The following BCAS1 variants were observed in gnomAD, a reference collection of about 807,000 sequenced individuals.
The protein encoded by BCAS1 is breast carcinoma-amplified sequence 1.
In BCAS1, 46 loss-of-function variants were observed where a neutral mutation model predicts 65.4. The observed-to-expected ratio is 0.70, with a 90% CI of 0.55 to 0.90. BCAS1 has a LOEUF of 0.90. BCAS1 is among the 40% of genes least tolerant of loss of function. BCAS1 has a pLI of 0.00. For synonymous variants in BCAS1, 298 were observed against 293.5 expected (o/e 1.02, Z -0.16); for missense variants, 793 against 771.2 (o/e 1.03, Z -0.33).
At chr20:54,036,226 TTAAAA>T (rs1281147408) in intron 3 of BCAS1, among the ~76,000 whole-genome samples, 2 of 150,898 alleles carry the variant, frequency 1.3e-5, no homozygotes, top group East Asian at 3.8e-4. Context: ...ACCCCTGAAC[TTAAAA>T]TAAAAGTTAA....
intron 4 of BCAS1, among the ~76,000 whole-genome samples, chr20:54,005,251 T>G (rs999358250): frequency 1.4e-5 from 2 of 144,182 alleles, no homozygotes; most frequent in African/African-American, 5.0e-5. Flanking sequence ...AACACAGGAG[T>G]TCAAGACCAG....
chr20:54,009,522 A>G (rs1363930238), intron 4 of BCAS1, among the ~76,000 whole-genome samples: 3 of 152,342 alleles, frequency 2.0e-5, no homozygotes, highest in Non-Finnish European at 2.9e-5. Context: ...CTGACCCAAT[A>G]TAATATAAAT....
At chr20:54,025,111 G>T (rs1298581161) in intron 4 of BCAS1, among the ~76,000 whole-genome samples, 1 of 152,164 alleles carries the variant, frequency 6.6e-6, no homozygotes, top group Non-Finnish European at 1.5e-5. Flanking sequence ...AAAGAAAAAA[G>T]ACATTCTTCA....
rs1454949737 is a variant in BCAS1 at position 53,992,398 on chromosome 20, C to G, written c.1062+114G>C. 10 of 827,704 alleles carry G rather than the reference C, an allele frequency of 1.2e-5. No homozygotes were observed. The South Asian group carries it at 1.8e-4, about 15-fold the overall frequency. The allele number at this position is 827,704 out of a possible 1,614,324, so 51.3% of individuals were successfully genotyped here. On this transcript the variant is annotated intron_variant, in intron 7 of 12. Coordinates refer to ENST00000688948, the MANE Select transcript of BCAS1 (RefSeq NM_001366298.2). ...CATCTTTAATTCTCTTTTAATGATC[C>G]CCACCACCCAAGGCTCTGTTTTTAC...
intron 6 of BCAS1, among the ~76,000 whole-genome samples, chr20:53,994,189 T>G (rs552224576): frequency 1.3e-5 from 2 of 152,332 alleles, no homozygotes; most frequent in Admixed American, 1.3e-4. Context: ...CTGATCCCAC[T>G]GTTTTTCAAA....
At position 53,992,768 on chromosome 20, in the gene BCAS1, C is replaced by T. The variant is rs947687209; in HGVS notation, c.928-122G>A. On this transcript the variant is annotated intron_variant, in intron 6 of 12. Transcript: ENST00000688948. Reference sequence around the variant, plus strand: ...ATTAACTGTTGGTACACCATCCCCTCTTCTAACCACAAAACACCCTGTAAA... The same window carrying T: ...ATTAACTGTTGGTACACCATCCCCTTTTCTAACCACAAAACACCCTGTAAA... 8.9e-6 allele frequency: 8 copies of T among 896,762 alleles called. No homozygotes were observed. In the African/African-American group the frequency reaches 1.4e-4, roughly 16 times the overall value. 55.6% of individuals were successfully genotyped at this position (896,762 alleles called of 1,614,324 possible). A position where few individuals can be genotyped will look rare whatever the true frequency, so the allele number is the denominator to read the frequency against.
At chr20:53,968,740 A>G (rs1221539459) in intron 9 of BCAS1, among the ~76,000 whole-genome samples, 2 of 152,232 alleles carry the variant, frequency 1.3e-5, no homozygotes, top group African/African-American at 4.8e-5. Context: ...GCATGGATTG[A>G]CCAGACCTAA....
At position 54,056,276 on chromosome 20, in the gene BCAS1, A is replaced by G. The variant is rs139115486; in HGVS notation, c.142+1809T>C. Among the ~76,000 whole-genome samples the G allele has an allele frequency of 1.1e-3, 168 of 152,264 alleles. 1 individual carries two copies. The highest frequency in any genetic ancestry group is 4.0e-3 in the African/African-American group (167 of 41,550). On this transcript the variant is annotated intron_variant, in intron 3 of 12. Transcript: ENST00000688948. ...ACACACCATGGAATACTACTCAACC[A>G]TAAAAATAACAAAATAATGTCTTTT...
At chr20:54,030,864 C>T (rs190900464) in intron 3 of BCAS1, among the ~76,000 whole-genome samples, 1 of 150,930 alleles carries the variant, frequency 6.6e-6, no homozygotes, top group Non-Finnish European at 1.5e-5. Context: ...TTCAGGAATT[C>T]ATAATGATAG....
chr20:54,058,027 A>G (rs1281008484), intron 3 of BCAS1, 58 bp downstream of exon 3: 5 of 1,239,874 alleles, frequency 4.0e-6, no homozygotes, highest in Non-Finnish European at 5.8e-6. Context: ...CGTAAACAGC[A>G]TCTGCAGACC....
At chr20:54,040,540 T>C (rs1035775595) in intron 3 of BCAS1, among the ~76,000 whole-genome samples, 2 of 151,118 alleles carry the variant, frequency 1.3e-5, no homozygotes, top group African/African-American at 4.8e-5. Context: ...CAAATCAGGA[T>C]GATAGTGTTT....
chr20:54,038,630 C>T (rs2091938705), intron 3 of BCAS1, among the ~76,000 whole-genome samples: 1 of 151,256 alleles, frequency 6.6e-6, no homozygotes, highest in Admixed American at 6.6e-5. Flanking sequence ...CTTTTTCTGA[C>T]AATACATTAT....
chr20:54,052,172 A>T (rs1003732085), intron 3 of BCAS1, among the ~76,000 whole-genome samples: 7 of 152,202 alleles, frequency 4.6e-5, no homozygotes, highest in African/African-American at 1.4e-4. Context: ...CATTTTGACA[A>T]AATATGCAGT....
At chr20:53,966,829 C>T in intron 10 of BCAS1, 77 bp downstream of exon 10, 1 of 1,362,626 alleles carries the variant, frequency 7.3e-7, no homozygotes, top group South Asian at 1.5e-5. Context: ...TCTCCTACTA[C>T]CTGTGGCATG....
At chr20:54,018,027 A>G (rs995544637) in intron 4 of BCAS1, among the ~76,000 whole-genome samples, 1 of 152,216 alleles carries the variant, frequency 6.6e-6, no homozygotes, top group Non-Finnish European at 1.5e-5. Flanking sequence ...GCGAGAAAAC[A>G]GTTTTGAATG....
At chr20:53,984,037 C>T (rs951926976) in intron 8 of BCAS1, among the ~76,000 whole-genome samples, 2 of 152,110 alleles carry the variant, frequency 1.3e-5, no homozygotes, top group South Asian at 4.1e-4. Flanking sequence ...TTATTAGATT[C>T]CTTTTTAAAC....
rs571132004 is a variant in BCAS1, at chr20:54,058,093, A to G, written c.134T>C (p.Leu45Ser). The change falls in exon 3 of 13, where the codon TTA (leucine) becomes TCA (serine). Residue 45 changes from leucine (L) to serine (S), a missense_variant. Leu to Ser is a moderately radical substitution (Grantham distance 145). Coordinates refer to ENST00000688948, the MANE Select transcript of BCAS1 (RefSeq NM_001366298.2). ...VVVSTHTVQH[L>S]EEVDLGISVK... is the part of the protein sequence containing the mutation. ...CCCAGAGTAGCACTGACCTTCCTCT[A>G]AGTGCTGAACTGTGTGGGTCGACAC... 15 of 1,613,274 alleles carry G rather than the reference A, an allele frequency of 9.3e-6. No homozygotes were observed. The African/African-American group carries it at 1.3e-4, about 14-fold the overall frequency.
chr20:54,044,018 C>T (rs2092051011), intron 3 of BCAS1, among the ~76,000 whole-genome samples: 1 of 152,082 alleles, frequency 6.6e-6, no homozygotes, highest in East Asian at 1.9e-4. Flanking sequence ...TCTTTGATCT[C>T]GCTGATTATT....
At chr20:54,042,855 C>T (rs1403195018) in intron 3 of BCAS1, among the ~76,000 whole-genome samples, 1 of 152,224 alleles carries the variant, frequency 6.6e-6, no homozygotes, top group Non-Finnish European at 1.5e-5. Flanking sequence ...TTGCCTAGGG[C>T]TGGCCCAGCA....
Sources: allele counts gnomAD v4.1 joint callset (sites outside exome capture counted in the v4.1 genomes callset), GRCh38; gene constraint gnomAD v4.1.1; transcripts MANE v1.5; gene names NCBI Gene and HGNC (gene_info 2026-07-23, HGNC 2026-07-21).